The following TCF12 variants were observed in gnomAD, a reference collection of about 807,000 sequenced individuals.
The protein encoded by TCF12 is DNA-binding protein HTF4.
A neutral mutation model predicts 86.0 loss-of-function variants in TCF12; 45 were observed. The observed-to-expected ratio is 0.52, with a 90% CI of 0.41 to 0.67. The LOEUF is 0.67. Ranked by LOEUF, TCF12 falls within the 30% of genes least tolerant of loss-of-function variation. TCF12 has a pLI of 0.00. For missense variants in TCF12, 881 were observed against 859.9 expected (o/e 1.02, Z -0.31); for synonymous variants, 330 against 299.6 (o/e 1.10, Z -1.05).
chr15:57,098,404 G>A (rs2049491933), intron 5 of TCF12, among the ~76,000 whole-genome samples: 2 of 152,140 alleles, frequency 1.3e-5, no homozygotes, highest in Admixed American at 6.6e-5. Flanking sequence ...ACCAGTCTGA[G>A]TTGTTGAGTA....
intron 3 of TCF12, among the ~76,000 whole-genome samples, chr15:57,033,006 AT>A (rs147012427): frequency 0.014 from 2,072 of 152,322 alleles, 54 homozygotes; most frequent in African/African-American, 0.043. Flanking sequence ...AGGAAACAAA[AT>A]TTTAGAACTA....
intron 3 of TCF12, among the ~76,000 whole-genome samples, chr15:56,962,777 C>T (rs2061824497): frequency 6.6e-6 from 1 of 152,088 alleles, no homozygotes; most frequent in African/African-American, 2.4e-5. Context: ...CTGTGGAATC[C>T]TACCAGATAT....
chr15:57,039,568 A>C (rs115698013), intron 3 of TCF12, among the ~76,000 whole-genome samples: 1 of 140,822 alleles, frequency 7.1e-6, no homozygotes, highest in Non-Finnish European at 1.6e-5. Context: ...CCCATGACCA[A>C]AAAAAATCCT....
At chr15:57,277,715 T>A (rs2152117358) in intron 19 of TCF12, among the ~76,000 whole-genome samples, 1 of 151,172 alleles carries the variant, frequency 6.6e-6, no homozygotes, top group African/African-American at 2.4e-5. Flanking sequence ...GGCAGGAGGA[T>A]CCCTTGAGCC....
At chr15:57,154,140 CAG>C (rs1421656698) in intron 5 of TCF12, among the ~76,000 whole-genome samples, 1 of 151,986 alleles carries the variant, frequency 6.6e-6, no homozygotes, top group Non-Finnish European at 1.5e-5. Flanking sequence ...CAAAATGAAA[CAG>C]AGATACCAAG....
At chr15:56,965,861 G>A (rs1328291852) in intron 3 of TCF12, among the ~76,000 whole-genome samples, 2 of 152,090 alleles carry the variant, frequency 1.3e-5, no homozygotes, top group East Asian at 3.8e-4. Flanking sequence ...TTAGTCACTG[G>A]CTCTGATAGC....
intron 13 of TCF12, 132 bp from the exon 14 acceptor site, chr15:57,251,218 A>G: frequency 1.5e-6 from 1 of 664,374 alleles, no homozygotes; most frequent in Non-Finnish European, 2.6e-6. Context: ...AGTAGCCAAT[A>G]CTATGCTGAA....
At chr15:57,026,780 G>A (rs1242723214) in intron 3 of TCF12, among the ~76,000 whole-genome samples, 1 of 151,936 alleles carries the variant, frequency 6.6e-6, no homozygotes, top group Non-Finnish European at 1.5e-5. Flanking sequence ...TGTCCGTGGG[G>A]GATTGGTTCC....
At chr15:57,082,091 A>T (rs1291810492) in intron 4 of TCF12, among the ~76,000 whole-genome samples, 1 of 152,208 alleles carries the variant, frequency 6.6e-6, no homozygotes, top group African/African-American at 2.4e-5. Flanking sequence ...CTTACCCTTA[A>T]AGATGATTGG....
chr15:57,081,002 C>T (rs2070593888), intron 4 of TCF12, among the ~76,000 whole-genome samples: 1 of 152,168 alleles, frequency 6.6e-6, no homozygotes, highest in Non-Finnish European at 1.5e-5. Context: ...TAGATGTTCA[C>T]TTAGCAGCGG....
intron 3 of TCF12, among the ~76,000 whole-genome samples, chr15:57,012,233 A>G (rs1469809843): frequency 6.6e-6 from 1 of 152,208 alleles, no homozygotes; most frequent in African/African-American, 2.4e-5. Context: ...ACATTAATAT[A>G]TATATTCAAT....
At chr15:57,058,847 G>T (rs1176592377) in intron 3 of TCF12, among the ~76,000 whole-genome samples, 1 of 152,068 alleles carries the variant, frequency 6.6e-6, no homozygotes, top group African/African-American at 2.4e-5. Context: ...TTTATTTCAT[G>T]AGTGTCTAAA....
intron 3 of TCF12, among the ~76,000 whole-genome samples, chr15:57,038,943 C>A (rs1306666688): frequency 5.3e-5 from 8 of 152,024 alleles, no homozygotes; most frequent in African/African-American, 1.4e-4. Context: ...GATGACTAGG[C>A]CTTTGATGTT....
chr15:57,091,878 C>T lies in TCF12; in HGVS notation c.312C>T (p.Asn104=). ...HEGLSPTPFM[N]SNLMGKTSER... is the part of the protein sequence containing the mutation. ...GCTTGTCCCCAACACCTTTCATGAA[C>T]TCAAATCTGATGGGTAAGTTGGTAA... The change falls in exon 5 of 21, where the codon AAC becomes AAT. Residue 104 remains asparagine, a synonymous_variant. Transcript: ENST00000333725. 1 of 1,613,462 alleles carries T rather than the reference C, an allele frequency of 6.2e-7. No individual in the cohort carries two copies. The highest frequency in any genetic ancestry group is 8.5e-7 in the Non-Finnish European group (1 of 1,179,478).
chr15:57,052,932 A>G (rs114436800), intron 3 of TCF12, among the ~76,000 whole-genome samples: 1,763 of 152,268 alleles, frequency 0.012, 32 homozygotes, highest in African/African-American at 0.04. Context: ...GAATACAGAT[A>G]TCTCTTTTAG....
intron 3 of TCF12, among the ~76,000 whole-genome samples, chr15:57,024,220 T>G (rs1370183318): frequency 2.7e-5 from 2 of 75,460 alleles, no homozygotes; most frequent in African/African-American, 2.5e-4. Flanking sequence ...AAGTGTCTTT[T>G]TTTTTTTTTT....
chr15:57,046,391 G>T (rs1273952312), intron 3 of TCF12, among the ~76,000 whole-genome samples: 1 of 152,096 alleles, frequency 6.6e-6, no homozygotes, highest in Non-Finnish European at 1.5e-5. Context: ...TGAGAAATTG[G>T]GTATGGAAGG....
At chr15:57,275,480 T>C (rs890698861) in intron 19 of TCF12, among the ~76,000 whole-genome samples, 35 of 128,258 alleles carry the variant, frequency 2.7e-4, no homozygotes, top group African/African-American at 9.9e-4. Context: ...GACACTCTTA[T>C]GGCTGTCAGA....
chr15:56,920,889 G>T, intron 2 of TCF12, 137 bp from the exon 3 acceptor site: 1 of 576,580 alleles, frequency 1.7e-6, no homozygotes, highest in Non-Finnish European at 3.0e-6. Context: ...TGCCTCTCTG[G>T]ATCTGAATGT....
Sources: gnomAD v4.1 joint callset for allele counts (sites outside exome capture counted in the v4.1 genomes callset) on GRCh38, gnomAD v4.1.1 for gene constraint, MANE v1.5 for transcripts, NCBI Gene and HGNC (gene_info 2026-07-23, HGNC 2026-07-21) for gene names.